Variants in ADGRV1 observed in about 807,000 individuals in gnomAD.
ADGRV1 encodes the protein G-protein coupled receptor 98.
A neutral mutation model predicts 596.2 loss-of-function variants in ADGRV1; 359 were observed. The observed-to-expected ratio is 0.60, with a 90% CI of 0.55 to 0.66. The LOEUF is 0.66. ADGRV1 is among the 30% of genes least tolerant of loss of function. ADGRV1 has a pLI of 0.00. For synonymous variants in ADGRV1, 2,681 were observed against 2,679.2 expected, an observed-to-expected ratio of 1.00 and a Z score of -0.02; for missense variants, 7,274 against 7,575.6, an observed-to-expected ratio of 0.96 and a Z score of 1.48.
intron 1 of ADGRV1, among the ~76,000 whole-genome samples, chr5:90,595,574 A>T (rs1408891151): frequency 2.9e-5 from 2 of 68,698 alleles, no homozygotes; most frequent in African/African-American, 6.3e-5. Context: ...CTGACCCCCC[A>T]ACCTCCCTCC....
intron 71 of ADGRV1, among the ~76,000 whole-genome samples, chr5:90,804,388 C>T (rs909855637): frequency 2.0e-5 from 3 of 151,454 alleles, no homozygotes; most frequent in East Asian, 2.0e-4. Context: ...GATGACAGAG[C>T]GACGCTCTGT....
intron 19 of ADGRV1, 82 bp downstream of exon 19, chr5:90,652,645 C>A: frequency 1.2e-6 from 1 of 865,032 alleles, no homozygotes; most frequent in Non-Finnish European, 1.7e-6. Context: ...ATAATTAGAG[C>A]CATATACAAA....
In ADGRV1 at chr5:90,848,679, C is replaced by T. The variant is rs747622607; in HGVS notation, c.17062C>T (p.Arg5688Ter). ...AATTCAAGCTTTCAGTGTTGCCAGC[C>T]GAACTCTTTTCTATGAGATTCTTTG... ...GKIQAFSVAS[R>*]TLFYEILCSL... Residue 5688 changes from arginine (R) to a stop codon, truncating the protein, a stop_gained, in exon 79 of 90, where the codon CGA becomes TGA. Coordinates refer to ENST00000405460, the MANE Select transcript of ADGRV1 (RefSeq NM_032119.4). LOFTEE classifies it high-confidence loss of function. 16 of 1,560,070 alleles carry T rather than the reference C, an allele frequency of 1.0e-5. No individual in the cohort carries two copies. The highest frequency in any genetic ancestry group is 1.3e-5 in the Non-Finnish European group (15 of 1,157,778).
chr5:90,990,557 T>C (rs1284822337), intron 85 of ADGRV1, among the ~76,000 whole-genome samples: 1 of 152,194 alleles, frequency 6.6e-6, no homozygotes, highest in Admixed American at 6.5e-5. Flanking sequence ...CCTTAAGCGG[T>C]AATGCTGGCT....
chr5:90,651,454 G>A (rs1473765248), intron 17 of ADGRV1, 150 bp from the exon 18 acceptor site: 4 of 544,010 alleles, frequency 7.4e-6, no homozygotes, highest in Non-Finnish European at 1.2e-5. Context: ...GAAATATGGA[G>A]CAGTATTTTG....
At chr5:90,805,248 G>C in intron 71 of ADGRV1, 36 bp from the exon 72 acceptor site, 4 of 1,581,950 alleles carry the variant, frequency 2.5e-6, no homozygotes, top group Non-Finnish European at 3.5e-6. Context: ...AAGGTTTAGA[G>C]AGAAATAAAA....
In ADGRV1 at chr5:90,848,685, C is replaced by G; in HGVS notation, c.17068C>G (p.Leu5690Val). The G allele has an allele frequency of 4.4e-6, 7 of 1,574,968 alleles. No individual in the cohort carries two copies. Among genetic ancestry groups the G allele is most frequent in the Non-Finnish European group, 6.0e-6 (7 of 1,164,316 alleles). The stretch of plus-strand genomic sequence containing the variant: ...AGCTTTCAGTGTTGCCAGCCGAACT[C>G]TTTTCTATGAGATTCTTTGTTCTCT... The part of the protein sequence containing the change: ...IQAFSVASRT[L>V]FYEILCSLIN... The change falls in exon 79 of 90, where the codon CTT becomes GTT. Residue 5690 changes from leucine to valine, a missense_variant. Coordinates refer to ENST00000405460, the MANE Select transcript of ADGRV1 (RefSeq NM_032119.4).
At chr5:90,909,970 A>T (rs114267291) in intron 83 of ADGRV1, among the ~76,000 whole-genome samples, 2,091 of 152,368 alleles carry the variant, frequency 0.014, 24 homozygotes, top group Non-Finnish European at 0.021. Context: ...AGTTGGTCAC[A>T]TATCAACTTT....
intron 83 of ADGRV1, among the ~76,000 whole-genome samples, chr5:90,916,251 T>A (rs1452427247): frequency 6.6e-6 from 1 of 152,186 alleles, no homozygotes; most frequent in East Asian, 1.9e-4. Flanking sequence ...TTTTAAAACA[T>A]GGATTTAATA....
chr5:90,928,944 G>A (rs536449914), intron 83 of ADGRV1, among the ~76,000 whole-genome samples: 82 of 145,788 alleles, frequency 5.6e-4, no homozygotes, highest in Non-Finnish European at 8.7e-4. Flanking sequence ...TAGGCTGCTC[G>A]GGGGTCAGGG....
chr5:90,661,792 TG>T (rs1770336655), intron 21 of ADGRV1, among the ~76,000 whole-genome samples: 2 of 152,224 alleles, frequency 1.3e-5, no homozygotes, highest in Admixed American at 1.3e-4. Flanking sequence ...CCTAAATGTT[TG>T]TTTGTATCAT....
intron 85 of ADGRV1, among the ~76,000 whole-genome samples, chr5:91,011,402 T>G (rs1782708153): frequency 6.6e-6 from 1 of 151,990 alleles, no homozygotes. Context: ...GTTGTGTGTC[T>G]GTTTCTCTTT....
At chr5:90,822,349 G>A (rs1409940480) in intron 75 of ADGRV1, among the ~76,000 whole-genome samples, 6 of 152,204 alleles carry the variant, frequency 3.9e-5, no homozygotes, top group Non-Finnish European at 7.3e-5. Context: ...TGGTACCTCA[G>A]ATGGAAATGC....
intron 85 of ADGRV1, among the ~76,000 whole-genome samples, chr5:91,027,187 A>ACG (rs1460874397): frequency 1.3e-5 from 2 of 150,540 alleles, no homozygotes; most frequent in Non-Finnish European, 3.0e-5. Flanking sequence ...ACACACACAC[A>ACG]CACTGTCTAA....
intron 83 of ADGRV1, among the ~76,000 whole-genome samples, chr5:90,897,948 T>C (rs868771217): frequency 2.6e-5 from 4 of 152,194 alleles, no homozygotes; most frequent in South Asian, 2.1e-4. Flanking sequence ...CCCTGCTGAC[T>C]TTAGCCTGGC....
intron 87 of ADGRV1, among the ~76,000 whole-genome samples, chr5:91,108,085 C>T (rs751310113): frequency 6.6e-6 from 1 of 152,132 alleles, no homozygotes; most frequent in Non-Finnish European, 1.5e-5. Flanking sequence ...TGTTACCTGG[C>T]GCACTGGCAC....
At chr5:90,713,304 G>A (rs35312877) in intron 42 of ADGRV1, among the ~76,000 whole-genome samples, 9,666 of 149,698 alleles carry the variant, frequency 0.065, 417 homozygotes, top group Non-Finnish European at 0.089. Flanking sequence ...TTGCTATTTT[G>A]ATAAAATACA....
At chr5:91,143,580 G>A (rs1259569588) in intron 87 of ADGRV1, among the ~76,000 whole-genome samples, 2 of 152,206 alleles carry the variant, frequency 1.3e-5, no homozygotes, top group African/African-American at 2.4e-5. Flanking sequence ...AGTGCTCAAG[G>A]CTGGCTGAAT....
chr5:90,865,766 T>C (rs958183560), intron 83 of ADGRV1, among the ~76,000 whole-genome samples: 2 of 152,142 alleles, frequency 1.3e-5, no homozygotes, highest in African/African-American at 4.8e-5. Context: ...TAAAACCTTT[T>C]AGCTAAGGCT....
Sources: gnomAD v4.1 joint callset for allele counts (sites outside exome capture counted in the v4.1 genomes callset) on GRCh38, gnomAD v4.1.1 for gene constraint, MANE v1.5 for transcripts, NCBI Gene and HGNC (gene_info 2026-07-23, HGNC 2026-07-21) for gene names.